The following HMBOX1 variants were observed in gnomAD, a reference collection of about 807,000 sequenced individuals.
HMBOX1 encodes the protein homeobox-containing protein 1.
A neutral mutation model predicts 54.5 loss-of-function variants in HMBOX1; 14 were observed. That is an observed-to-expected ratio of 0.26 (90% CI 0.17 to 0.40). The LOEUF (loss-of-function observed/expected upper bound fraction) is 0.40. Ranked by LOEUF, HMBOX1 falls within the 10% of genes least tolerant of loss-of-function variation. The pLI is 1.00. For synonymous variants in HMBOX1, 160 were observed against 181.0 expected, an observed-to-expected ratio of 0.88 and a Z score of 0.93; for missense variants, 332 against 514.4, an observed-to-expected ratio of 0.65 and a Z score of 3.43.
chr8:29,003,911 T>G (rs2132763129), intron 4 of HMBOX1, among the ~76,000 whole-genome samples: 1 of 152,266 alleles, frequency 6.6e-6, no homozygotes, highest in Admixed American at 6.5e-5. Flanking sequence ...TTGTACTTTG[T>G]GGATCTTAAA....
chr8:29,048,525 A>G (rs1196588043), intron 8 of HMBOX1: 1 of 152,598 alleles, frequency 6.6e-6, no homozygotes, highest in Non-Finnish European at 1.5e-5. Flanking sequence ...TCTTCCATCC[A>G]AGTACTAACC....
At chr8:28,976,283 T>A (rs559640404) in intron 3 of HMBOX1, among the ~76,000 whole-genome samples, 11 of 152,312 alleles carry the variant, frequency 7.2e-5, no homozygotes, top group South Asian at 2.1e-4. Flanking sequence ...TAAAAAAAAA[T>A]TTTGCAATGA....
chr8:29,009,699 A>T (rs992848996), intron 5 of HMBOX1: 2 of 1,287,562 alleles, frequency 1.6e-6, no homozygotes, highest in African/African-American at 3.0e-5. Flanking sequence ...AGCTGCCCTG[A>T]TGACTCCCAG....
intron 4 of HMBOX1, among the ~76,000 whole-genome samples, chr8:28,997,356 T>G (rs1832017039): frequency 6.6e-6 from 1 of 152,204 alleles, no homozygotes; most frequent in Non-Finnish European, 1.5e-5. Flanking sequence ...TCTATTAAAA[T>G]AGTTATGTGG....
intron 4 of HMBOX1, among the ~76,000 whole-genome samples, chr8:28,997,255 A>G (rs909712517): frequency 3.9e-5 from 6 of 152,084 alleles, no homozygotes; most frequent in East Asian, 1.9e-4. Context: ...TATATACCCT[A>G]TATCAGGGTA....
chr8:29,019,417 T>C (rs1800829108), intron 6 of HMBOX1, among the ~76,000 whole-genome samples: 1 of 152,198 alleles, frequency 6.6e-6, no homozygotes, highest in Admixed American at 6.5e-5. Context: ...AGTGGTTTTT[T>C]TTTTAACCTG....
At chr8:28,982,969 G>A (rs1425603886) in intron 4 of HMBOX1, among the ~76,000 whole-genome samples, 1 of 152,022 alleles carries the variant, frequency 6.6e-6, no homozygotes, top group Non-Finnish European at 1.5e-5. Flanking sequence ...TGTTGCTCAG[G>A]CTGGTCTTGA....
chr8:28,973,820 T>TTG lies in HMBOX1; in HGVS notation c.500+3302_500+3303insGT, dbSNP rs1827906871. Reference sequence around the variant, plus strand: ...ATAATGGAGTTTTTTTTTTTTTTTTTTTTTTTTTTTTTTTGAGACAGTCTC... The same window carrying TTG: ...ATAATGGAGTTTTTTTTTTTTTTTTTTGTTTTTTTTTTTTTTGAGACAGTCTC... On this transcript the variant is annotated intron_variant, in intron 3 of 9. Transcript: ENST00000287701. Among the ~76,000 whole-genome samples the TTG allele has an allele frequency of 6.8e-5, 9 of 132,994 alleles. 1 individual carries two copies. Among genetic ancestry groups the TTG allele is most frequent in the African/African-American group, 1.2e-4 (4 of 33,184 alleles). The allele number at this position is 132,994 out of a possible 152,430, so 87.2% of individuals were successfully genotyped here.
Position 28,970,031 on chromosome 8 carries a change from CT to C in HMBOX1, c.24-3del, listed in dbSNP as rs553430951. The C allele has an allele frequency of 6.1e-4, 901 of 1,488,306 alleles. No individual in the cohort carries two copies. The highest frequency in any genetic ancestry group is 7.0e-4 in the Middle Eastern group (4 of 5,738). 92.2% of individuals were successfully genotyped at this position (1,488,306 alleles called of 1,614,324 possible). Reference sequence around the variant, plus strand: ...TCAATAAAGAGACTTCTTTTTATCTCTTTTTTTTTAGTTTGCTGGAAACCAT... The same window carrying C: ...TCAATAAAGAGACTTCTTTTTATCTCTTTTTTTTAGTTTGCTGGAAACCAT... On this transcript the variant is annotated splice_polypyrimidine_tract_variant and intron_variant, in intron 2 of 9. Coordinates refer to ENST00000287701, the MANE Select transcript of HMBOX1 (RefSeq NM_001135726.3). This position sits in a 1 kb window ranked among gnomAD's most constrained non-coding sequence, Gnocchi z 4.3.
At position 28,994,183 on chromosome 8, in the gene HMBOX1, C is replaced by T. The variant is rs561057857; in HGVS notation, c.586+14027C>T. ...CTCTCTCACCAAAAAAAAAAAAAGGCGGGGGGATGGGGGAGGAAAGAGTTG... is the reference window on the plus strand; with the variant it reads ...CTCTCTCACCAAAAAAAAAAAAAGGTGGGGGGATGGGGGAGGAAAGAGTTG... On this transcript the variant is annotated intron_variant, in intron 4 of 9. Coordinates refer to ENST00000287701, the MANE Select transcript of HMBOX1 (RefSeq NM_001135726.3). Among the ~76,000 whole-genome samples, 90 of 144,074 alleles carry T rather than the reference C, an allele frequency of 6.2e-4. 1 individual carries two copies. In the South Asian group the frequency reaches 0.011, roughly 18 times the overall value. The allele number at this position is 144,074 out of a possible 152,430, so 94.5% of individuals were successfully genotyped here. A position where few individuals can be genotyped will look rare whatever the true frequency, so the allele number is the denominator to read the frequency against.
intron 2 of HMBOX1, among the ~76,000 whole-genome samples, chr8:28,966,441 T>C (rs946357635): frequency 5.3e-5 from 8 of 152,184 alleles, no homozygotes; most frequent in African/African-American, 1.9e-4. Flanking sequence ...TGAAAGATGT[T>C]CCTTATCCTC....
intron 1 of HMBOX1, among the ~76,000 whole-genome samples, chr8:28,940,960 G>A (rs1821294725): frequency 6.6e-6 from 1 of 152,106 alleles, no homozygotes; most frequent in Non-Finnish European, 1.5e-5. Flanking sequence ...TAACCTATAG[G>A]AGTTGTATTT....
chr8:28,963,751 A>AT, intron 1 of HMBOX1, 60 bp from the exon 2 acceptor site: 1 of 737,350 alleles, frequency 1.4e-6, no homozygotes, highest in Non-Finnish European at 2.2e-6. Context: ...CATAATTAAA[A>AT]TTTTTATTCA....
At chr8:28,987,650 A>G (rs1256933884) in intron 4 of HMBOX1, among the ~76,000 whole-genome samples, 2 of 152,190 alleles carry the variant, frequency 1.3e-5, no homozygotes, top group South Asian at 2.1e-4. Context: ...GAGACCTTAA[A>G]TCAAAGTGCT....
intron 1 of HMBOX1, among the ~76,000 whole-genome samples, chr8:28,899,161 C>G (rs916683036): frequency 6.6e-6 from 1 of 152,064 alleles, no homozygotes; most frequent in African/African-American, 2.4e-5. Flanking sequence ...TAAGAACTAG[C>G]TAGGATTAAG....
intron 1 of HMBOX1, among the ~76,000 whole-genome samples, chr8:28,929,932 C>T (rs1338055410): frequency 1.4e-5 from 2 of 141,358 alleles, no homozygotes; most frequent in East Asian, 2.1e-4. Context: ...CCCCGCCCCC[C>T]GCCCGCCCCC....
intron 1 of HMBOX1, among the ~76,000 whole-genome samples, chr8:28,903,904 T>A (rs1339071507): frequency 1.3e-5 from 2 of 152,210 alleles, no homozygotes; most frequent in Non-Finnish European, 2.9e-5. Flanking sequence ...CATTTTTGAT[T>A]GCCACTACTG....
chr8:28,926,656 C>T (rs1270734295), intron 1 of HMBOX1, among the ~76,000 whole-genome samples: 2 of 152,158 alleles, frequency 1.3e-5, no homozygotes, highest in Non-Finnish European at 2.9e-5. Context: ...TAACCTCAAA[C>T]TCCTGGGCTC....
intron 1 of HMBOX1, among the ~76,000 whole-genome samples, chr8:28,960,787 T>G (rs1331030467): frequency 1.3e-4 from 10 of 75,346 alleles, no homozygotes; most frequent in East Asian, 3.6e-4. Context: ...TTTTTTTTTT[T>G]TTTTTTTTTT....
Sources: allele counts gnomAD v4.1 joint callset (sites outside exome capture counted in the v4.1 genomes callset), GRCh38; gene constraint gnomAD v4.1.1; non-coding constraint Gnocchi (gnomAD v3.1); transcripts MANE v1.5; gene names NCBI Gene and HGNC (gene_info 2026-07-23, HGNC 2026-07-21).